Variants in NEGR1 observed in about 807,000 individuals in gnomAD.
NEGR1 encodes IgLON family member 4.
NEGR1 carries 10 observed loss-of-function variants against 40.9 expected under a neutral mutation model. That is an observed-to-expected ratio of 0.24 (90% CI 0.15 to 0.42). The LOEUF (loss-of-function observed/expected upper bound fraction) is 0.42, where lower values mean the gene tolerates loss of function less well. Ranked by LOEUF, NEGR1 falls within the 10% of genes least tolerant of loss-of-function variation. The pLI is 1.00. For missense variants in NEGR1, 352 were observed against 438.9 expected, an observed-to-expected ratio of 0.80 and a Z score of 1.77; for synonymous variants, 185 against 166.8, an observed-to-expected ratio of 1.11 and a Z score of -0.84.
At chr1:71,970,865 G>A (rs1461591010) in intron 1 of NEGR1, among the ~76,000 whole-genome samples, 1 of 152,158 alleles carries the variant, frequency 6.6e-6, no homozygotes, top group East Asian at 1.9e-4. Context: ...AGACTCTACA[G>A]TATGTTTGTG....
rs553837009 is a variant in NEGR1 at position 72,223,850 on chromosome 1, A to T, written c.176+58469T>A. 1.1e-3 allele frequency among the ~76,000 whole-genome samples: 166 copies of T among 152,266 alleles called. No individual in the cohort carries two copies. In the Middle Eastern group the frequency reaches 0.02, roughly 19 times the overall value. On this transcript the variant is annotated intron_variant, in intron 1 of 6. Transcript: ENST00000357731. Reference sequence around the variant, plus strand: ...AATATCGAGAATAAATTAGCAACACAAATCAGCAACATCCCCATCTCCCAG... The same window carrying T: ...AATATCGAGAATAAATTAGCAACACTAATCAGCAACATCCCCATCTCCCAG...
chr1:72,267,510 T>C (rs1655686989), intron 1 of NEGR1, among the ~76,000 whole-genome samples: 2 of 151,284 alleles, frequency 1.3e-5, no homozygotes, highest in African/African-American at 2.4e-5. Context: ...AAGAAAATAG[T>C]TATATGTATC....
chr1:71,845,568 T>G (rs966290744), intron 2 of NEGR1, among the ~76,000 whole-genome samples: 1 of 152,174 alleles, frequency 6.6e-6, no homozygotes, highest in African/African-American at 2.4e-5. Context: ...TATCATGTCC[T>G]ATTCTAAACA....
At chr1:72,148,836 A>G (rs931605574) in intron 1 of NEGR1, among the ~76,000 whole-genome samples, 1 of 152,166 alleles carries the variant, frequency 6.6e-6, no homozygotes. Context: ...CTTATTGTTT[A>G]TATCGCCTTC....
intron 2 of NEGR1, among the ~76,000 whole-genome samples, chr1:71,798,702 T>A (rs1254278734): frequency 6.6e-6 from 1 of 152,172 alleles, no homozygotes; most frequent in Admixed American, 6.6e-5. Flanking sequence ...ATATTTTTTT[T>A]CCTCCAAGGC....
intron 2 of NEGR1, among the ~76,000 whole-genome samples, chr1:71,910,276 G>A (rs1179096922): frequency 6.6e-6 from 1 of 152,174 alleles, no homozygotes; most frequent in African/African-American, 2.4e-5. Flanking sequence ...TTGCGAGCAA[G>A]CAACTGTTGT....
At chr1:71,979,141 G>A (rs1252998300) in intron 1 of NEGR1, among the ~76,000 whole-genome samples, 1 of 152,116 alleles carries the variant, frequency 6.6e-6, no homozygotes, top group African/African-American at 2.4e-5. Context: ...TCACTTATAA[G>A]TTGGAGCTAA....
chr1:72,047,104 GT>G (rs1557499791), intron 1 of NEGR1, among the ~76,000 whole-genome samples: 2 of 150,854 alleles, frequency 1.3e-5, no homozygotes, highest in Non-Finnish European at 3.0e-5. Flanking sequence ...TTCTTCCCAA[GT>G]TCATTTAAAA....
chr1:72,161,444 T>C (rs1417291251), intron 1 of NEGR1, among the ~76,000 whole-genome samples: 2 of 151,974 alleles, frequency 1.3e-5, no homozygotes, highest in Non-Finnish European at 2.9e-5. Flanking sequence ...GGAGGCATCG[T>C]TGATTGCCAT....
chr1:71,928,370 G>A (rs111214279), intron 2 of NEGR1, among the ~76,000 whole-genome samples: 1 of 73,562 alleles, frequency 1.4e-5, no homozygotes, highest in Non-Finnish European at 2.7e-5. Context: ...ATACACATAT[G>A]TATATATGTA....
At chr1:71,995,439 A>G (rs532829220) in intron 1 of NEGR1, among the ~76,000 whole-genome samples, 76 of 149,660 alleles carry the variant, frequency 5.1e-4, no homozygotes, top group African/African-American at 1.5e-3. Flanking sequence ...GGTTTTTGGG[A>G]AAAAAAAAAT....
At chr1:72,129,804 T>C (rs1341099179) in intron 1 of NEGR1, among the ~76,000 whole-genome samples, 1 of 152,194 alleles carries the variant, frequency 6.6e-6, no homozygotes, top group Non-Finnish European at 1.5e-5. Flanking sequence ...ACTGCTTTTG[T>C]TCTCATACTC....
chr1:72,146,688 C>T (rs11209921), intron 1 of NEGR1, among the ~76,000 whole-genome samples: 63,205 of 151,902 alleles, frequency 0.42, 14,345 homozygotes, highest in Admixed American at 0.55. Flanking sequence ...TACATATATG[C>T]AAATATACAA....
intron 4 of NEGR1, among the ~76,000 whole-genome samples, chr1:71,679,643 G>A (rs904793376): frequency 6.6e-6 from 1 of 151,964 alleles, no homozygotes; most frequent in Non-Finnish European, 1.5e-5. Flanking sequence ...CAATTTGGCA[G>A]CTTTTTATTT....
intron 6 of NEGR1, among the ~76,000 whole-genome samples, chr1:71,555,474 C>G (rs1478317000): frequency 2.0e-5 from 3 of 151,542 alleles, no homozygotes; most frequent in Non-Finnish European, 1.5e-5. Flanking sequence ...ACATTTAATA[C>G]TTGCACAGGA....
At chr1:72,225,030 A>G (rs1654131239) in intron 1 of NEGR1, among the ~76,000 whole-genome samples, 1 of 152,064 alleles carries the variant, frequency 6.6e-6, no homozygotes, top group African/African-American at 2.4e-5. Context: ...TCTGAACACC[A>G]AGGGAGAACT....
rs750621452 is a variant in NEGR1, at chr1:71,406,258, T to C, written c.*1188A>G. 1 of 151,930 alleles carries C rather than the reference T, an allele frequency of 6.6e-6. No homozygotes were observed. The highest frequency in any genetic ancestry group is 1.9e-4 in the East Asian group (1 of 5,186). 9.4% of individuals were successfully genotyped at this position (151,930 alleles called of 1,614,324 possible). ...AATATATTTTGGAAGTTTTAAAATA[T>C]ATAACATGCATTCCAGACTATCAAC... On this transcript the variant is annotated 3_prime_UTR_variant, in exon 7 of 7. Coordinates refer to ENST00000357731, the MANE Select transcript of NEGR1 (RefSeq NM_173808.3).
Position 72,111,447 on chromosome 1 carries a change from CA to C in NEGR1, c.176+170871del, listed in dbSNP as rs1649367396. 2.0e-5 allele frequency among the ~76,000 whole-genome samples: 3 copies of C among 151,440 alleles called. No homozygotes were observed. In the South Asian group the frequency reaches 6.2e-4, roughly 31 times the overall value. Reference sequence around the variant, plus strand: ...GCACAACAGAAAAGTATCTGAATATCATGAAAAAAAGATTCATTAATACAAT... The same window carrying C: ...GCACAACAGAAAAGTATCTGAATATCTGAAAAAAAGATTCATTAATACAAT... On this transcript the variant is annotated intron_variant, in intron 1 of 6. Coordinates refer to ENST00000357731, the MANE Select transcript of NEGR1 (RefSeq NM_173808.3).
chr1:71,446,522 C>T (rs1646583596), intron 6 of NEGR1, among the ~76,000 whole-genome samples: 1 of 152,122 alleles, frequency 6.6e-6, no homozygotes, highest in Non-Finnish European at 1.5e-5. Flanking sequence ...ATTCAAAACT[C>T]ACAATGTTTT....
Sources: allele counts gnomAD v4.1 joint callset (sites outside exome capture counted in the v4.1 genomes callset), GRCh38; gene constraint gnomAD v4.1.1; transcripts MANE v1.5; gene names NCBI Gene and HGNC (gene_info 2026-07-23, HGNC 2026-07-21).